LCOR: variants seen among roughly 807,000 people sequenced by gnomAD.
LCOR encodes the protein ligand dependent nuclear receptor corepressor, also known as ligand-dependent corepressor.
Under a neutral mutation model 64.4 loss-of-function variants are expected in LCOR, and 14 were observed. That is an observed-to-expected ratio of 0.22 (90% CI 0.14 to 0.34). The LOEUF (loss-of-function observed/expected upper bound fraction) is 0.34. LCOR is among the 10% of genes least tolerant of loss of function. The probability of loss-of-function intolerance (pLI) is 1.00; values close to 1 mark genes in which losing one functional copy is unlikely to be tolerated. For synonymous variants in LCOR, 643 were observed against 642.5 expected (o/e 1.00, Z -0.01); for missense variants, 1,686 against 1,765.3 (o/e 0.96, Z 0.80).
At chr10:96,945,755 C>A (rs1206944028) in intron 5 of LCOR, among the ~76,000 whole-genome samples, 4 of 152,096 alleles carry the variant, frequency 2.6e-5, no homozygotes, top group African/African-American at 9.7e-5. Flanking sequence ...GAAAAGAGGA[C>A]TTCCTCTCCC....
chr10:96,948,068 T>C (rs1847618325), intron 5 of LCOR, among the ~76,000 whole-genome samples: 1 of 152,190 alleles, frequency 6.6e-6, no homozygotes, highest in South Asian at 2.1e-4. Flanking sequence ...GGCATGATGA[T>C]AATATATTTA....
intron 2 of LCOR, among the ~76,000 whole-genome samples, chr10:96,848,444 G>A (rs1845668836): frequency 6.6e-6 from 1 of 152,184 alleles, no homozygotes; most frequent in African/African-American, 2.4e-5. Flanking sequence ...GATCACTTGA[G>A]GTCAGGAGTT....
intron 1 of LCOR, among the ~76,000 whole-genome samples, chr10:96,832,759 T>G (rs1845364512): frequency 2.0e-5 from 3 of 149,452 alleles, no homozygotes; most frequent in South Asian, 4.3e-4. Flanking sequence ...CGCCGCCGGC[T>G]TATTGTGGCG....
chr10:96,871,743 AG>A (rs1470999097), intron 2 of LCOR, among the ~76,000 whole-genome samples: 3 of 152,138 alleles, frequency 2.0e-5, no homozygotes, highest in Admixed American at 2.0e-4. Flanking sequence ...ACCTTTTCTA[AG>A]GAGATTAGAA....
intron 2 of LCOR, among the ~76,000 whole-genome samples, chr10:96,845,147 A>T (rs193001946): frequency 2.0e-5 from 3 of 152,322 alleles, no homozygotes. Flanking sequence ...ATCAACTTAA[A>T]AAAAGATGAT....
chr10:96,837,991 C>T (rs985179052), intron 2 of LCOR, among the ~76,000 whole-genome samples: 1 of 152,198 alleles, frequency 6.6e-6, no homozygotes, highest in Non-Finnish European at 1.5e-5. Flanking sequence ...ATGAAAAACT[C>T]AACATCACTA....
At chr10:96,838,897 C>G (rs1344676408) in intron 2 of LCOR, among the ~76,000 whole-genome samples, 2 of 152,176 alleles carry the variant, frequency 1.3e-5, no homozygotes, top group African/African-American at 4.8e-5. Flanking sequence ...TAGGAACTGC[C>G]AAATTGTTTC....
chr10:96,861,588 C>T (rs1845889036), intron 2 of LCOR, among the ~76,000 whole-genome samples: 1 of 152,040 alleles, frequency 6.6e-6, no homozygotes, highest in African/African-American at 2.4e-5. Flanking sequence ...CTCTGTCACC[C>T]AGGCTGGAGT....
intron 2 of LCOR, among the ~76,000 whole-genome samples, chr10:96,839,482 AAG>A (rs1352183967): frequency 1.3e-5 from 2 of 152,164 alleles, no homozygotes; most frequent in Non-Finnish European, 2.9e-5. Flanking sequence ...CTCCATTTGC[AAG>A]AGTTTGGATA....
At chr10:96,946,665 T>C (rs1402151565) in intron 5 of LCOR, among the ~76,000 whole-genome samples, 1 of 152,094 alleles carries the variant, frequency 6.6e-6, no homozygotes, top group Non-Finnish European at 1.5e-5. Context: ...ATCTGTTCAA[T>C]AAACTTCCAC....
At chr10:96,866,443 A>T (rs1845975871) in intron 2 of LCOR, among the ~76,000 whole-genome samples, 1 of 152,172 alleles carries the variant, frequency 6.6e-6, no homozygotes, top group East Asian at 1.9e-4. Flanking sequence ...GGCTGTTATA[A>T]ATAATGCTGC....
chr10:96,937,599 G>A (rs1223186778), intron 4 of LCOR, among the ~76,000 whole-genome samples: 1 of 151,172 alleles, frequency 6.6e-6, no homozygotes, highest in Non-Finnish European at 1.5e-5. Flanking sequence ...CAATCTGCCC[G>A]CCTCGGCCTC....
chr10:96,866,422 G>A (rs562659927), intron 2 of LCOR, among the ~76,000 whole-genome samples: 38 of 152,110 alleles, frequency 2.5e-4, no homozygotes, highest in African/African-American at 2.4e-4. Context: ...TGAGCATTTC[G>A]GTTGTTTGGG....
At chr10:96,861,478 T>C (rs1017957625) in intron 2 of LCOR, among the ~76,000 whole-genome samples, 6 of 152,166 alleles carry the variant, frequency 3.9e-5, no homozygotes, top group African/African-American at 1.4e-4. Context: ...CGTGGGTTTT[T>C]TCCCCCACCA....
chr10:96,924,167 A>G lies in LCOR; in HGVS notation c.-184+16420A>G, dbSNP rs181236305. Among the ~76,000 whole-genome samples the G allele has an allele frequency of 3.0e-3, 459 of 152,224 alleles. 3 individuals are homozygous for G. Among genetic ancestry groups the G allele is most frequent in the African/African-American group, 0.011 (439 of 41,548 alleles). On this transcript the variant is annotated intron_variant, in intron 4 of 7. Coordinates refer to ENST00000421806, the MANE Select transcript of LCOR (RefSeq NM_001346516.2). ...GAGAAGGTGGAGGAGAAACAAAGGA[A>G]ACTGGCTTGTGGGAGAAAAGTAGGG...
chr10:96,871,567 C>T (rs1324983815), intron 2 of LCOR, among the ~76,000 whole-genome samples: 1 of 150,384 alleles, frequency 6.6e-6, no homozygotes, highest in Non-Finnish European at 1.5e-5. Flanking sequence ...CGTGAGCCAC[C>T]ACGCCTGGCT....
At position 96,987,082 on chromosome 10, in the gene LCOR, A is replaced by G. The variant is rs1848155107; in HGVS notation, c.*1948A>G. On this transcript the variant is annotated 3_prime_UTR_variant, in exon 8 of 8. Transcript: ENST00000421806. ...CTATCTGATGAGTCTTTTTCTTTTT[A>G]GTATCTTTGACTTTGGCCATTCAAG... 6.6e-6 allele frequency: 1 copy of G among 152,040 alleles called. No homozygotes were observed. Among genetic ancestry groups the G allele is most frequent in the Non-Finnish European group, 1.5e-5 (1 of 68,000 alleles). 9.4% of individuals were successfully genotyped at this position (152,040 alleles called of 1,614,324 possible). A position where few individuals can be genotyped will look rare whatever the true frequency, so the allele number is the denominator to read the frequency against.
chr10:96,955,977 T>C, intron 7 of LCOR: 1 of 1,545,822 alleles, frequency 6.5e-7, no homozygotes, highest in Admixed American at 2.1e-5. Flanking sequence ...ACTGCATCAT[T>C]GTTCAGCTAT....
intron 2 of LCOR, among the ~76,000 whole-genome samples, chr10:96,896,103 A>T (rs1846532652): frequency 6.6e-6 from 1 of 152,076 alleles, no homozygotes; most frequent in Admixed American, 6.6e-5. Flanking sequence ...AAGAAAAAAA[A>T]ATCTTGCCTC....
Sources: gnomAD v4.1 joint callset for allele counts (sites outside exome capture counted in the v4.1 genomes callset) on GRCh38, gnomAD v4.1.1 for gene constraint, MANE v1.5 for transcripts, NCBI Gene and HGNC (gene_info 2026-07-23, HGNC 2026-07-21) for gene names.